Variants in KMT2E observed in about 807,000 individuals in gnomAD.
The protein encoded by KMT2E is histone reader KMT2E.
Under a neutral mutation model 184.6 loss-of-function variants are expected in KMT2E, and 30 were observed. The ratio of observed to expected loss-of-function variants is 0.16; its 90% confidence interval spans 0.12 to 0.22. KMT2E has a LOEUF of 0.22. Ranked by LOEUF, KMT2E falls within the 10% of genes least tolerant of loss-of-function variation. KMT2E has a pLI of 1.00. For synonymous variants in KMT2E, 815 were observed against 776.5 expected (o/e 1.05, Z -0.82); for missense variants, 2,023 against 2,237.4 (o/e 0.90, Z 1.93).
Position 105,048,744 on chromosome 7 carries a change from C to T in KMT2E, c.71+7721C>T, listed in dbSNP as rs112994400. 4.5e-4 allele frequency among the ~76,000 whole-genome samples: 69 copies of T among 152,324 alleles called. No homozygotes were observed. The South Asian group carries it at 9.7e-3, about 21-fold the overall frequency. ...TTGTAACTACTCAGCTCTGGTCTTG[C>T]AGCTGTAAAGCAGACTGTGTGTGTA... On this transcript the variant is annotated intron_variant, in intron 3 of 26. Coordinates refer to ENST00000311117, the MANE Select transcript of KMT2E (RefSeq NM_182931.3).
intron 3 of KMT2E, among the ~76,000 whole-genome samples, chr7:105,056,142 C>T (rs1796563668): frequency 6.6e-6 from 1 of 152,018 alleles, no homozygotes; most frequent in Non-Finnish European, 1.5e-5. Flanking sequence ...CTCCAGGGGT[C>T]TCTGAGCTTT....
chr7:105,015,030 G>T (rs1204207743), intron 1 of KMT2E, among the ~76,000 whole-genome samples: 3 of 152,150 alleles, frequency 2.0e-5, no homozygotes, highest in African/African-American at 7.2e-5. Flanking sequence ...TACGAAGGGG[G>T]TAAGAAGAAC....
chr7:105,049,602 G>C (rs1388323316), intron 3 of KMT2E, among the ~76,000 whole-genome samples: 1 of 150,958 alleles, frequency 6.6e-6, no homozygotes, highest in Admixed American at 6.6e-5. Flanking sequence ...TTACAAAACA[G>C]AAAAATGGCC....
chr7:105,078,007 C>T (rs955482473), intron 11 of KMT2E, among the ~76,000 whole-genome samples: 2 of 152,182 alleles, frequency 1.3e-5, no homozygotes, highest in Non-Finnish European at 2.9e-5. Context: ...GGCGTTGCTT[C>T]CCTGTAGTCT....
Position 105,063,597 on chromosome 7 carries a change from C to A in KMT2E, c.416+17C>A. 6.8e-7 allele frequency: 1 copy of A among 1,463,926 alleles called. No individual in the cohort carries two copies. The allele number at this position is 1,463,926 out of a possible 1,614,324, so 90.7% of individuals were successfully genotyped here. ...CAAATGCAGGTAAAATATTTTACAC[C>A]ATTATTTTATTTTTCTTGAATGCTG... is the stretch of plus-strand genomic sequence containing the variant. On this transcript the variant is annotated intron_variant, in intron 5 of 26. Transcript: ENST00000311117.
chr7:105,092,672 T>C (rs1798251376), intron 15 of KMT2E, among the ~76,000 whole-genome samples: 1 of 152,212 alleles, frequency 6.6e-6, no homozygotes, highest in African/African-American at 2.4e-5. Flanking sequence ...TTCAATTATA[T>C]ATAAGTTATG....
chr7:105,062,091 A>G (rs1796835955), intron 3 of KMT2E, 73 bp from the exon 4 acceptor site: 1 of 964,388 alleles, frequency 1.0e-6, no homozygotes, highest in Non-Finnish European at 1.7e-6. Flanking sequence ...TAAGTACTTT[A>G]TCATTTTAAT....
At chr7:105,054,204 A>T (rs1796466648) in intron 3 of KMT2E, among the ~76,000 whole-genome samples, 1 of 150,000 alleles carries the variant, frequency 6.7e-6, no homozygotes. Context: ...TTTTTTTTTT[A>T]AAGAAAGGCT....
chr7:105,032,191 C>A (rs1217263066), intron 1 of KMT2E, among the ~76,000 whole-genome samples: 5 of 151,634 alleles, frequency 3.3e-5, no homozygotes, highest in African/African-American at 4.8e-5. Context: ...AGCCTGTAAT[C>A]CCAGCATTTT....
chr7:105,114,755 A>C lies in KMT2E; in HGVS notation c.*1422A>C, dbSNP rs1439064891. Among the ~76,000 whole-genome samples the C allele has an allele frequency of 1.3e-5, 2 of 152,166 alleles. No individual in the cohort carries two copies. The highest frequency in any genetic ancestry group is 2.9e-5 in the Non-Finnish European group (2 of 68,018). On this transcript the variant is annotated 3_prime_UTR_variant, in exon 27 of 27. Coordinates refer to ENST00000311117, the MANE Select transcript of KMT2E (RefSeq NM_182931.3). ...CATTCAGTCATGTTTTTACACTTTG[A>C]ACCTCTATTTATTTCCTTTTGAAAA...
intron 3 of KMT2E, among the ~76,000 whole-genome samples, chr7:105,051,451 C>G (rs1015527388): frequency 1.3e-5 from 2 of 152,094 alleles, no homozygotes; most frequent in African/African-American, 4.8e-5. Flanking sequence ...TACCAAAGTA[C>G]TGGGATTACA....
chr7:105,085,715 G>A (rs569662642), intron 13 of KMT2E, among the ~76,000 whole-genome samples: 2 of 146,254 alleles, frequency 1.4e-5, no homozygotes, highest in African/African-American at 2.6e-5. Context: ...ACGGAGTCTC[G>A]CTCTGTCGCC....
chr7:105,066,940 C>A, intron 6 of KMT2E, 133 bp downstream of exon 6: 3 of 636,084 alleles, frequency 4.7e-6, no homozygotes, highest in South Asian at 1.8e-5. Flanking sequence ...GCCTGTAGTG[C>A]CAACTACTTG....
chr7:105,058,689 T>C (rs1456564293), intron 3 of KMT2E, among the ~76,000 whole-genome samples: 2 of 152,218 alleles, frequency 1.3e-5, no homozygotes, highest in Non-Finnish European at 2.9e-5. Flanking sequence ...CTACAAATTA[T>C]GGTGGTTTTG....
intron 6 of KMT2E, among the ~76,000 whole-genome samples, chr7:105,068,518 C>T (rs1214604945): frequency 6.6e-6 from 1 of 151,532 alleles, no homozygotes; most frequent in Non-Finnish European, 1.5e-5. Context: ...GACCACAGCT[C>T]ACTGCAGCCT....
chr7:105,014,212 G>C lies in KMT2E; in HGVS notation c.-512G>C, dbSNP rs892917067. 2 of 200,654 alleles carry C rather than the reference G, an allele frequency of 1.0e-5. No homozygotes were observed. The allele number at this position is 200,654 out of a possible 1,614,324, so 12.4% of individuals were successfully genotyped here. A position where few individuals can be genotyped will look rare whatever the true frequency, so the allele number is the denominator to read the frequency against. On this transcript the variant is annotated 5_prime_UTR_variant, in exon 1 of 27. Transcript: ENST00000311117. ...CGCCGCCGCCATTTTCCCAGAGCGA[G>C]AGGCAGTGACACTGAGCGGGCGCAG... is the stretch of plus-strand genomic sequence containing the variant.
chr7:105,045,545 C>A (rs1170214566), intron 3 of KMT2E, among the ~76,000 whole-genome samples: 1 of 152,114 alleles, frequency 6.6e-6, no homozygotes. Flanking sequence ...TTATAAAATA[C>A]TTATTCTCTT....
chr7:105,075,219 T>G (rs1034081860), intron 8 of KMT2E, among the ~76,000 whole-genome samples: 1 of 151,858 alleles, frequency 6.6e-6, no homozygotes, highest in Non-Finnish European at 1.5e-5. Context: ...CTTGCTCTCT[T>G]GTAACGTATT....
In KMT2E at chr7:105,066,724, A is replaced by T; in HGVS notation, c.417-3A>T. 6.3e-7 allele frequency: 1 copy of T among 1,580,912 alleles called. No individual in the cohort carries two copies. The highest frequency in any genetic ancestry group is 8.6e-7 in the Non-Finnish European group (1 of 1,160,218). On this transcript the variant is annotated splice_region_variant and splice_polypyrimidine_tract_variant and intron_variant, in intron 5 of 26. Transcript: ENST00000311117. ...ACATATGTTCTGCTTTTTTTTTTTTAAGCGTTTGGCAACATATTGACTGCA... is the reference window on the plus strand; with the variant it reads ...ACATATGTTCTGCTTTTTTTTTTTTTAGCGTTTGGCAACATATTGACTGCA...
Sources: gnomAD v4.1 joint callset for allele counts (sites outside exome capture counted in the v4.1 genomes callset) on GRCh38, gnomAD v4.1.1 for gene constraint, MANE v1.5 for transcripts, NCBI Gene and HGNC (gene_info 2026-07-23, HGNC 2026-07-21) for gene names.